The following TENM3 variants were observed in gnomAD, a reference collection of about 807,000 sequenced individuals.
The protein encoded by TENM3 is teneurin-3.
Under a neutral mutation model 255.1 loss-of-function variants are expected in TENM3, and 63 were observed. The observed-to-expected ratio is 0.25, with a 90% confidence interval of 0.20 to 0.30. TENM3 has a LOEUF of 0.30. Among genes scored for constraint, TENM3 ranks in the 10% least tolerant of loss-of-function variants. TENM3 has a pLI of 1.00. For synonymous variants in TENM3, 1,306 were observed against 1,322.3 expected (o/e 0.99, Z 0.27); for missense variants, 2,929 against 3,461.1 (o/e 0.85, Z 3.86).
the TENM3 span, among the ~76,000 whole-genome samples, chr4:182,106,019 C>T: frequency 3.9e-5 from 6 of 152,324 alleles, no homozygotes; most frequent in East Asian, 3.9e-4. Flanking sequence ...TGTTGGGCTT[C>T]GGGATGGCTA....
chr4:182,228,296 T>C (rs1257251302), intron 1 of TENM3, among the ~76,000 whole-genome samples: 1 of 151,686 alleles, frequency 6.6e-6, no homozygotes, highest in African/African-American at 2.4e-5. Flanking sequence ...GTAACCATTT[T>C]ACTATCTATA....
At chr4:181,528,435 A>T in the TENM3 span, among the ~76,000 whole-genome samples, 1 of 152,214 alleles carries the variant, frequency 6.6e-6, no homozygotes, top group Non-Finnish European at 1.5e-5. Context: ...AGAGATTTAG[A>T]GATAAGAATT....
the TENM3 span, among the ~76,000 whole-genome samples, chr4:181,946,611 ATTTATC>A: frequency 1.3e-5 from 2 of 152,204 alleles, no homozygotes; most frequent in African/African-American, 2.4e-5. Context: ...ACCATGGCCA[ATTTATC>A]TTTATATTTA....
At chr4:182,021,752 T>C in the TENM3 span, among the ~76,000 whole-genome samples, 1 of 152,102 alleles carries the variant, frequency 6.6e-6, no homozygotes, top group African/African-American at 2.4e-5. Context: ...ATGAATAAAT[T>C]TAAGTAGGAA....
At chr4:182,489,422 TGAA>T (rs1735063041) in intron 3 of TENM3, among the ~76,000 whole-genome samples, 1 of 152,174 alleles carries the variant, frequency 6.6e-6, no homozygotes, top group Non-Finnish European at 1.5e-5. Context: ...TTAGGAACAG[TGAA>T]ATAACCTTTG....
intron 3 of TENM3, among the ~76,000 whole-genome samples, chr4:182,496,390 G>GAA (rs111605575): frequency 8.0e-5 from 12 of 149,254 alleles, no homozygotes; most frequent in East Asian, 5.9e-4. Context: ...TTCCTGAGAG[G>GAA]AAAAAAAAAA....
chr4:181,470,844 G>A, the TENM3 span, among the ~76,000 whole-genome samples: 1 of 151,998 alleles, frequency 6.6e-6, no homozygotes, highest in African/African-American at 2.4e-5. Context: ...ACGACACATT[G>A]TAAGGTGAAA....
At chr4:182,744,878 C>T (rs1274052319) in intron 19 of TENM3, among the ~76,000 whole-genome samples, 2 of 151,942 alleles carry the variant, frequency 1.3e-5, no homozygotes, top group African/African-American at 4.8e-5. Context: ...TCTGTGTACA[C>T]GTAGCTGCAG....
chr4:182,353,395 A>C (rs1765309046), intron 3 of TENM3, among the ~76,000 whole-genome samples: 1 of 152,212 alleles, frequency 6.6e-6, no homozygotes, highest in Non-Finnish European at 1.5e-5. Context: ...CTCCTGTGAT[A>C]AATTATATTT....
intron 5 of TENM3, among the ~76,000 whole-genome samples, chr4:182,635,971 G>A (rs1270224040): frequency 6.6e-6 from 1 of 152,100 alleles, no homozygotes; most frequent in African/African-American, 2.4e-5. Context: ...AACTATATAT[G>A]GCAAAATAAA....
At chr4:181,831,097 T>A in the TENM3 span, among the ~76,000 whole-genome samples, 1 of 152,220 alleles carries the variant, frequency 6.6e-6, no homozygotes, top group African/African-American at 2.4e-5. Context: ...TAATTTAATA[T>A]AATTGACACA....
the TENM3 span, among the ~76,000 whole-genome samples, chr4:181,731,819 T>C: frequency 6.6e-6 from 1 of 152,206 alleles, no homozygotes; most frequent in Non-Finnish European, 1.5e-5. Context: ...CTGTACTATA[T>C]ATTAACAAAG....
the TENM3 span, among the ~76,000 whole-genome samples, chr4:181,453,716 A>G: frequency 1.3e-5 from 2 of 152,278 alleles, no homozygotes; most frequent in East Asian, 3.9e-4. Flanking sequence ...TCTATCCTGC[A>G]TGGTTTGAGA....
the TENM3 span, among the ~76,000 whole-genome samples, chr4:181,605,592 A>AGAAAGAGAAAGAAAG: frequency 8.6e-6 from 1 of 116,042 alleles, no homozygotes; most frequent in Non-Finnish European, 2.0e-5. Flanking sequence ...AAGGAAAGAA[A>AGAAAGAGAAAGAAAG]GAAAGAAAGA....
chr4:182,156,435 G>C (rs1750707026), intron 1 of TENM3, among the ~76,000 whole-genome samples: 1 of 152,000 alleles, frequency 6.6e-6, no homozygotes, highest in Non-Finnish European at 1.5e-5. Context: ...CTGAGGTTTG[G>C]GGTACGGATG....
intron 1 of TENM3, among the ~76,000 whole-genome samples, chr4:182,288,826 CAA>C (rs955453254): frequency 3.9e-5 from 6 of 152,234 alleles, no homozygotes; most frequent in African/African-American, 1.4e-4. Flanking sequence ...CCAGAGCGTA[CAA>C]AGTCATTCTC....
the TENM3 span, among the ~76,000 whole-genome samples, chr4:181,703,832 C>T: frequency 6.6e-6 from 1 of 151,626 alleles, no homozygotes; most frequent in Non-Finnish European, 1.5e-5. Flanking sequence ...TGTAAGAAAA[C>T]AGAAAAGCAG....
intron 5 of TENM3, among the ~76,000 whole-genome samples, chr4:182,651,703 A>AAAAAAAAAG (rs531671194): frequency 0.014 from 2,176 of 152,164 alleles, 39 homozygotes; most frequent in South Asian, 0.09. Flanking sequence ...TCTCAGAAAA[A>AAAAAAAAAG]AAAAAGAAAA....
At chr4:182,577,732 T>G (rs1226680174) in intron 3 of TENM3, among the ~76,000 whole-genome samples, 1 of 152,166 alleles carries the variant, frequency 6.6e-6, no homozygotes, top group East Asian at 1.9e-4. Flanking sequence ...CGTGAATATC[T>G]ATGGTTTTCA....
Sources: allele counts gnomAD v4.1 joint callset (sites outside exome capture counted in the v4.1 genomes callset), GRCh38; gene constraint gnomAD v4.1.1; transcripts MANE v1.5; gene names NCBI Gene and HGNC (gene_info 2026-07-23, HGNC 2026-07-21).